The following MYOM1 variants were observed in gnomAD, a reference collection of about 807,000 sequenced individuals.
MYOM1 encodes myomesin 1.
Under a neutral mutation model 205.3 loss-of-function variants are expected in MYOM1, and 164 were observed. The ratio of observed to expected loss-of-function variants is 0.80; its 90% CI spans 0.70 to 0.91. The LOEUF is 0.91. MYOM1 is among the 40% of genes least tolerant of loss of function. The probability of loss-of-function intolerance (pLI) is 0.00; values close to 1 mark genes in which losing one functional copy is unlikely to be tolerated. For missense variants in MYOM1, 2,011 were observed against 2,127.3 expected, an observed-to-expected ratio of 0.95 and a Z score of 1.08; for synonymous variants, 772 against 789.4, an observed-to-expected ratio of 0.98 and a Z score of 0.37.
At position 3,094,263 on chromosome 18, in the gene MYOM1, T is replaced by C. The variant is rs920532350; in HGVS notation, c.3771A>G (p.Lys1257=). 10 of 1,613,868 alleles carry C rather than the reference T, an allele frequency of 6.2e-6. No individual in the cohort carries two copies. The highest frequency in any genetic ancestry group is 4.0e-5 in the African/African-American group (3 of 75,028). The change falls in exon 26 of 38, where the codon AAA becomes AAG. Residue 1257 remains lysine (K), a synonymous_variant. Coordinates refer to ENST00000356443, the MANE Select transcript of MYOM1 (RefSeq NM_003803.4). ...CCTGCATCCAAAACCGGACCTGGCCTTTCTCCAAAATTTCAACTGCCAACT... is the reference window on the plus strand; with the variant it reads ...CCTGCATCCAAAACCGGACCTGGCCCTTCTCCAAAATTTCAACTGCCAACT... The part of the protein sequence containing the change: ...KSELAVEILE[K]GQVRFWMQAE...
intron 20 of MYOM1, among the ~76,000 whole-genome samples, chr18:3,118,914 T>G (rs2079645617): frequency 6.6e-6 from 1 of 152,026 alleles, no homozygotes; most frequent in Non-Finnish European, 1.5e-5. Flanking sequence ...GACAGAGAAG[T>G]TCAGCAAAGG....
Position 3,209,624 on chromosome 18 carries a change from C to T in MYOM1, c.290+5310G>A, listed in dbSNP as rs1049774568. Among the ~76,000 whole-genome samples, 3 of 152,220 alleles carry T rather than the reference C, an allele frequency of 2.0e-5. No individual in the cohort carries two copies. The highest frequency in any genetic ancestry group is 4.4e-5 in the Non-Finnish European group (3 of 68,042). ...TCACTCCCCCATTCCCTTGCATGGG[C>T]CTCGATGCTGTTCTGTGCTGGAAGG... On this transcript the variant is annotated intron_variant, in intron 2 of 37. Transcript: ENST00000356443. This position sits in a 1 kb window ranked among gnomAD's most constrained non-coding sequence, Gnocchi z 4.0.
intron 10 of MYOM1, among the ~76,000 whole-genome samples, chr18:3,155,818 G>T (rs2080293718): frequency 6.6e-6 from 1 of 152,164 alleles, no homozygotes; most frequent in South Asian, 2.1e-4. Flanking sequence ...GCATCCACAA[G>T]AAAATACGAG....
chr18:3,126,716 A>G lies in MYOM1; in HGVS notation c.2976T>C (p.Ser992=). The change falls in exon 19 of 38, where the codon AGT becomes AGC. Residue 992 remains serine (S), a synonymous_variant. Coordinates refer to ENST00000356443, the MANE Select transcript of MYOM1 (RefSeq NM_003803.4). Reference sequence around the variant, plus strand: ...ACGTGCTTACCTTGTATGCCTCCTCACTGACAGCCTTGACATTGGCTTCTC... The same window carrying G: ...ACGTGCTTACCTTGTATGCCTCCTCGCTGACAGCCTTGACATTGGCTTCTC... ...KWREANVKAV[S]EEAYKISNLK... is the part of the protein sequence containing the mutation. 6.2e-7 allele frequency: 1 copy of G among 1,613,176 alleles called. No individual in the cohort carries two copies. Among genetic ancestry groups the G allele is most frequent in the East Asian group, 2.2e-5 (1 of 44,874 alleles).
chr18:3,115,190 T>C (rs369096417), intron 21 of MYOM1, among the ~76,000 whole-genome samples: 19 of 152,282 alleles, frequency 1.2e-4, no homozygotes, highest in African/African-American at 3.6e-4. Flanking sequence ...AACAACATCA[T>C]AGGCTTCAGT....
intron 5 of MYOM1, among the ~76,000 whole-genome samples, chr18:3,186,762 A>G (rs1444111300): frequency 6.9e-6 from 1 of 144,350 alleles, no homozygotes; most frequent in African/African-American, 2.6e-5. Context: ...AGAAGGAAGG[A>G]AGGAAAGGAA....
At chr18:3,081,837 A>G (rs2143671949) in intron 33 of MYOM1, among the ~76,000 whole-genome samples, 1 of 152,294 alleles carries the variant, frequency 6.6e-6, no homozygotes, top group South Asian at 2.1e-4. Context: ...TAACGAAAAC[A>G]CTGTTTTATA....
intron 25 of MYOM1, among the ~76,000 whole-genome samples, chr18:3,097,657 T>C (rs1014634613): frequency 2.0e-5 from 3 of 152,134 alleles, no homozygotes; most frequent in Admixed American, 2.0e-4. Flanking sequence ...TCCTCCCGCC[T>C]TGGCTTTCCT....
At chr18:3,107,964 A>G (rs1005447405) in intron 22 of MYOM1, among the ~76,000 whole-genome samples, 1 of 152,186 alleles carries the variant, frequency 6.6e-6, no homozygotes, top group African/African-American at 2.4e-5. Flanking sequence ...AAGATCTGTG[A>G]GCTTCCCAGT....
chr18:3,092,817 G>A (rs1322212943), intron 26 of MYOM1, among the ~76,000 whole-genome samples: 4 of 152,120 alleles, frequency 2.6e-5, no homozygotes, highest in East Asian at 1.9e-4. Flanking sequence ...TCACTTGAAC[G>A]AGAAACTACT....
chr18:3,146,242 G>T (rs1056694295), intron 13 of MYOM1, among the ~76,000 whole-genome samples: 5 of 151,804 alleles, frequency 3.3e-5, no homozygotes, highest in African/African-American at 1.2e-4. Context: ...TAAAATAATG[G>T]TAATACTTTC....
At chr18:3,233,095 C>T in the MYOM1 span, among the ~76,000 whole-genome samples, 1 of 152,202 alleles carries the variant, frequency 6.6e-6, no homozygotes, top group Non-Finnish European at 1.5e-5. Context: ...TTGTTCTCCC[C>T]TGCCTTGGAC....
chr18:3,236,672 G>A, the MYOM1 span: 1 of 152,262 alleles, frequency 6.6e-6, no homozygotes, highest in Admixed American at 6.5e-5. Context: ...TCATGGAGCT[G>A]TCAAGTGAGA....
intron 2 of MYOM1, among the ~76,000 whole-genome samples, chr18:3,198,499 T>C (rs570858036): frequency 5.8e-4 from 88 of 152,262 alleles, no homozygotes; most frequent in African/African-American, 2.0e-3. Flanking sequence ...GAAATAAAGA[T>C]TTATGGCCAG....
intron 14 of MYOM1, among the ~76,000 whole-genome samples, chr18:3,137,973 TTC>T (rs2079994011): frequency 6.6e-6 from 1 of 152,164 alleles, no homozygotes; most frequent in Admixed American, 6.5e-5. Context: ...AAAAAAGATG[TTC>T]TCTTTTTTTG....
At chr18:3,201,287 T>C (rs1324086602) in intron 2 of MYOM1, among the ~76,000 whole-genome samples, 1 of 151,834 alleles carries the variant, frequency 6.6e-6, no homozygotes, top group Non-Finnish European at 1.5e-5. Flanking sequence ...TAATCCCAGC[T>C]ACTCAGGAGG....
At chr18:3,137,354 C>T (rs1204932006) in intron 14 of MYOM1, among the ~76,000 whole-genome samples, 4 of 152,088 alleles carry the variant, frequency 2.6e-5, no homozygotes, top group Admixed American at 2.6e-4. Context: ...ATCAGTATGT[C>T]AAGGAGATAT....
At chr18:3,180,051 C>G (rs1239249679) in intron 5 of MYOM1, among the ~76,000 whole-genome samples, 3 of 152,158 alleles carry the variant, frequency 2.0e-5, no homozygotes, top group African/African-American at 7.2e-5. Context: ...AATCCCAGAA[C>G]TTTGGGAGGC....
intron 11 of MYOM1, among the ~76,000 whole-genome samples, chr18:3,154,343 G>T (rs1211753716): frequency 6.6e-6 from 1 of 151,556 alleles, no homozygotes; most frequent in East Asian, 1.9e-4. Context: ...AGAATTTTTT[G>T]AATTTGACTA....
Sources: allele counts gnomAD v4.1 joint callset (sites outside exome capture counted in the v4.1 genomes callset), GRCh38; gene constraint gnomAD v4.1.1; non-coding constraint Gnocchi (gnomAD v3.1); transcripts MANE v1.5; gene names NCBI Gene and HGNC (gene_info 2026-07-23, HGNC 2026-07-21).